Variants in SPG7 observed in about 807,000 individuals in gnomAD.
SPG7 encodes SPG7 matrix AAA peptidase subunit, paraplegin, also known as mitochondrial inner membrane m-AAA protease component paraplegin.
Under a neutral mutation model 81.9 loss-of-function variants are expected in SPG7, and 103 were observed. The ratio of observed to expected loss-of-function variants is 1.26; its 90% CI spans 1.07 to 1.48. The LOEUF (loss-of-function observed/expected upper bound fraction) is 1.48, where lower values mean the gene tolerates loss of function less well. SPG7 is among the 40% of genes most tolerant of loss of function. SPG7 has a pLI of 0.00. For synonymous variants in SPG7, 534 were observed against 444.2 expected, an observed-to-expected ratio of 1.20 and a Z score of -2.54; for missense variants, 1,241 against 1,087.3, an observed-to-expected ratio of 1.14 and a Z score of -1.99.
chr16:89,534,491 T>A (rs1208041083), intron 9 of SPG7, among the ~76,000 whole-genome samples: 2 of 152,220 alleles, frequency 1.3e-5, no homozygotes, highest in Non-Finnish European at 2.9e-5. Flanking sequence ...TTATTTTTAA[T>A]CAGAATTCTA....
intron 13 of SPG7, chr16:89,552,061 C>T (rs1417784020): frequency 1.3e-5 from 2 of 151,880 alleles, no homozygotes; most frequent in African/African-American, 2.4e-5. Context: ...TTATTTAGAG[C>T]TTCTTTTTGT....
At chr16:89,515,257 CTTTTAT>C (rs1181848916) in intron 3 of SPG7, among the ~76,000 whole-genome samples, 1 of 133,568 alleles carries the variant, frequency 7.5e-6, no homozygotes, top group Non-Finnish European at 1.6e-5. Context: ...TTTTTTTTAA[CTTTTAT>C]TTTGTATTTA....
chr16:89,556,783 TC>T, intron 16 of SPG7, 103 bp from the exon 17 acceptor site: 2 of 911,704 alleles, frequency 2.2e-6, no homozygotes, highest in Non-Finnish European at 3.7e-6. Context: ...GTCCTGGGTG[TC>T]CTGCACACAG....
intron 10 of SPG7, chr16:89,545,643 C>T (rs2058554781): frequency 4.0e-6 from 1 of 247,360 alleles, no homozygotes; most frequent in Non-Finnish European, 8.0e-6. Context: ...GGGATGGCAG[C>T]TTCTCCAGGG....
intron 10 of SPG7, 59 bp downstream of exon 10, chr16:89,544,831 G>A (rs1235670251): frequency 3.2e-5 from 51 of 1,605,438 alleles, no homozygotes; most frequent in Non-Finnish European, 4.3e-5. Flanking sequence ...CTCGCTCTGA[G>A]TGGTCTGGCC....
intron 10 of SPG7, chr16:89,545,647 T>C: frequency 3.9e-6 from 1 of 257,158 alleles, no homozygotes; most frequent in Non-Finnish European, 7.6e-6. Flanking sequence ...TGGCAGCTTC[T>C]CCAGGGGACA....
chr16:89,515,484 G>T (rs1351004198), intron 3 of SPG7, among the ~76,000 whole-genome samples: 1 of 149,710 alleles, frequency 6.7e-6, no homozygotes, highest in East Asian at 2.0e-4. Flanking sequence ...GGCCAGACTG[G>T]TCTTGAACTC....
chr16:89,548,576 T>C, intron 12 of SPG7: 1 of 316,788 alleles, frequency 3.2e-6, no homozygotes, highest in Non-Finnish European at 6.2e-6. Context: ...GGTGTGGATC[T>C]GCAGCACCAC....
At chr16:89,555,223 G>A (rs1461058076) in intron 16 of SPG7, 1 of 152,586 alleles carries the variant, frequency 6.6e-6, no homozygotes, top group Non-Finnish European at 1.5e-5. Context: ...TGGGATTACA[G>A]GCACGCGTCA....
chr16:89,513,184 A>T lies in SPG7; in HGVS notation c.376+147A>T, dbSNP rs941418859. 6 of 1,196,560 alleles carry T rather than the reference A, an allele frequency of 5.0e-6. No individual in the cohort carries two copies. In the African/African-American group the frequency reaches 9.2e-5, roughly 18 times the overall value. 74.1% of individuals were successfully genotyped at this position (1,196,560 alleles called of 1,614,324 possible). A position where few individuals can be genotyped will look rare whatever the true frequency, so the allele number is the denominator to read the frequency against. On this transcript the variant is annotated intron_variant, in intron 3 of 16. Coordinates refer to ENST00000645818, the MANE Select transcript of SPG7 (RefSeq NM_003119.4). ...ACACTTGTAATCGAAACGCTTTGGG[A>T]GGCCCAGGTGGAAGGATCACTTGAG...
chr16:89,511,668 G>A (rs759807993), intron 2 of SPG7, among the ~76,000 whole-genome samples: 36 of 152,214 alleles, frequency 2.4e-4, no homozygotes, highest in South Asian at 4.1e-4. Context: ...TGGTGAACCC[G>A]TTCATGTCTT....
rs1173428612 is a variant in SPG7 at position 89,557,139 on chromosome 16, C to T, written c.*46C>T. 6.8e-7 allele frequency: 1 copy of T among 1,477,576 alleles called. No homozygotes were observed. Among genetic ancestry groups the T allele is most frequent in the Non-Finnish European group, 9.4e-7 (1 of 1,062,952 alleles). 91.5% of individuals were successfully genotyped at this position (1,477,576 alleles called of 1,614,324 possible). ...GTGCGGGTGGTCCGGGAAGTGAGGG[C>T]TCACTCAGCCACCCTGAGTTGCTTT... On this transcript the variant is annotated 3_prime_UTR_variant, in exon 17 of 17. Transcript: ENST00000645818.
chr16:89,524,057 G>A lies in SPG7; in HGVS notation c.428G>A (p.Arg143His), dbSNP rs779452055. 5.6e-6 allele frequency: 9 copies of A among 1,613,582 alleles called. No individual in the cohort carries two copies. Among genetic ancestry groups the A allele is most frequent in the Non-Finnish European group, 6.8e-6 (8 of 1,180,038 alleles). ...GACCAGATGTACCGAGAGCGGCTGC[G>A]CACCTTGCTGGTCATCGCGGTTGTC... The part of the protein sequence containing the change: ...RDDQMYRERL[R>H]TLLVIAVVMS... Residue 143 changes from arginine (R) to histidine (H), a missense_variant, in exon 4 of 17, where the codon CGC becomes CAC. Arg to His is a conservative substitution (Grantham distance 29). Coordinates refer to ENST00000645818, the MANE Select transcript of SPG7 (RefSeq NM_003119.4).
At chr16:89,555,687 G>A (rs1412093345) in intron 16 of SPG7, 11 of 395,344 alleles carry the variant, frequency 2.8e-5, no homozygotes, top group Non-Finnish European at 8.9e-6. Flanking sequence ...TTTGTAGGAC[G>A]TTCCTCAGTT....
rs7199775 is a variant in SPG7 at position 89,555,699 on chromosome 16, C to T, written c.2181+1136C>T. The stretch of plus-strand genomic sequence containing the variant: ...TGTTTTGTAGGACGTTCCTCAGTTG[C>T]GATTGTCTGATGTGTTTCTCACAGT... On this transcript the variant is annotated intron_variant, in intron 16 of 16. Coordinates refer to ENST00000645818, the MANE Select transcript of SPG7 (RefSeq NM_003119.4). 37 of 396,382 alleles carry T rather than the reference C, an allele frequency of 9.3e-5. No homozygotes were observed. In the Middle Eastern group the frequency reaches 3.1e-3, roughly 33 times the overall value. 24.6% of individuals were successfully genotyped at this position (396,382 alleles called of 1,614,324 possible). A position where few individuals can be genotyped will look rare whatever the true frequency, so the allele number is the denominator to read the frequency against.
In SPG7 at chr16:89,550,317, C is replaced by T. The variant is rs71396923; in HGVS notation, c.1664-177C>T. 101,227 of 588,166 alleles carry T rather than the reference C, an allele frequency of 0.17. 9,209 individuals are homozygous for T. The highest frequency in any genetic ancestry group is 0.22 in the Middle Eastern group (487 of 2,194). 36.4% of individuals were successfully genotyped at this position (588,166 alleles called of 1,614,324 possible). ...CCTCCCAAGTAGCTGGGACTGCAGG[C>T]GCCCGCCATCACACCTAGCTAATTT... On this transcript the variant is annotated intron_variant, in intron 12 of 16. Coordinates refer to ENST00000645818, the MANE Select transcript of SPG7 (RefSeq NM_003119.4).
In SPG7 at chr16:89,512,549, G is replaced by A. The variant is rs905832989; in HGVS notation, c.287-399G>A. Reference sequence around the variant, plus strand: ...TCTGGTCTTGAACTCCTGACCTCGTGAACCACCTGCCTCGGTCTCCCAAAG... The same window carrying A: ...TCTGGTCTTGAACTCCTGACCTCGTAAACCACCTGCCTCGGTCTCCCAAAG... On this transcript the variant is annotated intron_variant, in intron 2 of 16. Coordinates refer to ENST00000645818, the MANE Select transcript of SPG7 (RefSeq NM_003119.4). 3.9e-5 allele frequency among the ~76,000 whole-genome samples: 6 copies of A among 152,166 alleles called. No homozygotes were observed. In the East Asian group the frequency reaches 1.2e-3, roughly 29 times the overall value.
chr16:89,512,894 C>G, intron 2 of SPG7, 54 bp from the exon 3 acceptor site: 1 of 1,602,572 alleles, frequency 6.2e-7, no homozygotes, highest in Non-Finnish European at 8.5e-7. Context: ...GTCCTGTATG[C>G]CTCCCCTGTG....
At chr16:89,537,236 CTTG>C in intron 9 of SPG7, 2 of 1,417,134 alleles carry the variant, frequency 1.4e-6, no homozygotes, top group Non-Finnish European at 1.8e-6. Flanking sequence ...AAGCCCAAGC[CTTG>C]TTGGTTACGT....
Sources: gnomAD v4.1 joint callset for allele counts (sites outside exome capture counted in the v4.1 genomes callset) on GRCh38, gnomAD v4.1.1 for gene constraint, MANE v1.5 for transcripts, NCBI Gene and HGNC (gene_info 2026-07-23, HGNC 2026-07-21) for gene names.